Variants in GTF3C2 observed in about 807,000 individuals in gnomAD.
GTF3C2 encodes general transcription factor 3C polypeptide 2.
A neutral mutation model predicts 117.4 loss-of-function variants in GTF3C2; 17 were observed. That is an observed-to-expected ratio of 0.14 (90% CI 0.10 to 0.22). The LOEUF (loss-of-function observed/expected upper bound fraction) is 0.22, where lower values mean the gene tolerates loss of function less well. Ranked by LOEUF, GTF3C2 falls within the 10% of genes least tolerant of loss-of-function variation. The pLI, the probability that GTF3C2 is intolerant of heterozygous loss-of-function variation, is 1.00. For synonymous variants in GTF3C2, 437 were observed against 427.0 expected (o/e 1.02, Z -0.29); for missense variants, 888 against 1,143.6 (o/e 0.78, Z 3.22).
chr2:27,341,966 T>TG lies in GTF3C2; in HGVS notation c.836dup (p.Arg280ThrfsTer50). On this transcript the variant is annotated frameshift_variant, in exon 4 of 19. Transcript: ENST00000264720. LOFTEE classifies it high-confidence loss of function. ...AGGTTACCCCTGAAGTAGATCCTCG[T>TG]GGGGTGCTTCGGGGCACTACAGGCT... The TG allele has an allele frequency of 6.2e-7, 1 of 1,614,008 alleles. No individual in the cohort carries two copies. The highest frequency in any genetic ancestry group is 8.5e-7 in the Non-Finnish European group (1 of 1,179,910).
chr2:27,342,455 G>C (rs1485757499), intron 3 of GTF3C2: 2 of 563,218 alleles, frequency 3.6e-6, no homozygotes, highest in African/African-American at 1.9e-5. Flanking sequence ...TCTGAACCCA[G>C]GTCTTCTCAC....
At chr2:27,336,412 T>C (rs2148279415) in exon 8 of GTF3C2, 2 of 1,599,692 alleles carry the variant, frequency 1.3e-6, no homozygotes, top group Non-Finnish European at 1.7e-6. Flanking sequence ...GGATGTGCTG[T>C]GATCGAGCTA....
chr2:27,340,102 GCCA>G (rs1680668855), intron 4 of GTF3C2: 1 of 151,290 alleles, frequency 6.6e-6, no homozygotes, highest in African/African-American at 2.4e-5. Context: ...AGTGCATGAT[GCCA>G]CCATTTAAGC....
chr2:27,348,885 G>A (rs879791814), intron 1 of GTF3C2, among the ~76,000 whole-genome samples: 1 of 152,142 alleles, frequency 6.6e-6, no homozygotes, highest in Non-Finnish European at 1.5e-5. Context: ...CACCCAGGCT[G>A]GAGTGCAGTG....
intron 4 of GTF3C2, chr2:27,340,532 CCTCTTACATAT>C (rs1680689858): frequency 6.6e-6 from 1 of 152,148 alleles, no homozygotes; most frequent in South Asian, 2.1e-4. Flanking sequence ...CCGCACCTGG[CCTCTTACATAT>C]CTCTTGAATC....
At chr2:27,335,432 G>C in intron 10 of GTF3C2, 166 bp downstream of exon 10, 1 of 714,538 alleles carries the variant, frequency 1.4e-6, no homozygotes, top group South Asian at 1.5e-5. Context: ...GCAAAAGAGA[G>C]AGGGCTCAAG....
chr2:27,330,183 C>T (rs935518076), intron 12 of GTF3C2, among the ~76,000 whole-genome samples: 1 of 148,572 alleles, frequency 6.7e-6, no homozygotes, highest in African/African-American at 2.5e-5. Flanking sequence ...GGAAGCCAGG[C>T]GCAGTGGCTC....
intron 12 of GTF3C2, among the ~76,000 whole-genome samples, chr2:27,330,701 C>T (rs1304804734): frequency 1.3e-5 from 2 of 152,114 alleles, no homozygotes; most frequent in African/African-American, 2.4e-5. Context: ...TGGCTCATGC[C>T]TGTAATCTCA....
intron 11 of GTF3C2, 56 bp from the exon 12 acceptor site, chr2:27,333,840 G>A (rs1680361680): frequency 6.4e-6 from 10 of 1,560,752 alleles, no homozygotes; most frequent in Admixed American, 3.4e-5. Context: ...TGTTTGGAAC[G>A]AAAGCTCAAA....
chr2:27,331,922 G>C (rs545378278), intron 12 of GTF3C2, among the ~76,000 whole-genome samples: 25 of 152,264 alleles, frequency 1.6e-4, no homozygotes, highest in Non-Finnish European at 3.5e-4. Flanking sequence ...CTGGGTGACA[G>C]AGTGAGACCC....
At position 27,354,517 on chromosome 2, in the gene GTF3C2, T is replaced by C. The variant is rs375622040; in HGVS notation, c.-25+2222A>G. On this transcript the variant is annotated intron_variant, in intron 1 of 18. Coordinates refer to ENST00000264720, the Ensembl canonical transcript of GTF3C2. ...GACTCACGCCTGTAATCCCAGCACT[T>C]TGGGAGGCCAAGGCAGATGGATCAC... 2.6e-5 allele frequency among the ~76,000 whole-genome samples: 4 copies of C among 152,164 alleles called. No homozygotes were observed. In the East Asian group the frequency reaches 5.8e-4, roughly 22 times the overall value.
intron 2 of GTF3C2, 54 bp from the exon 3 acceptor site, chr2:27,343,201 G>A: frequency 6.6e-7 from 1 of 1,503,928 alleles, no homozygotes; most frequent in Non-Finnish European, 9.0e-7. Flanking sequence ...AACCTCTATG[G>A]AAAAGATTAC....
intron 1 of GTF3C2, among the ~76,000 whole-genome samples, chr2:27,345,485 C>A (rs547357514): frequency 7.8e-4 from 118 of 151,674 alleles, no homozygotes; most frequent in Non-Finnish European, 1.1e-3. Flanking sequence ...CCCAGCTACT[C>A]AGGAGGCGGA....
At chr2:27,333,559 T>C (rs1680352685) in intron 12 of GTF3C2, 96 bp downstream of exon 12, 1 of 746,216 alleles carries the variant, frequency 1.3e-6, no homozygotes, top group Non-Finnish European at 2.3e-6. Flanking sequence ...TAACTATATG[T>C]CCAGTATTGA....
intron 1 of GTF3C2, among the ~76,000 whole-genome samples, chr2:27,350,085 CAAAGT>C (rs1470313421): frequency 6.6e-6 from 1 of 151,994 alleles, no homozygotes; most frequent in Non-Finnish European, 1.5e-5. Context: ...TAATCAATGA[CAAAGT>C]AGATAAGAAC....
intron 7 of GTF3C2, chr2:27,336,704 G>T (rs767512564): frequency 1.3e-5 from 5 of 372,420 alleles, no homozygotes; most frequent in Non-Finnish European, 2.4e-5. Context: ...GACCTCCCAG[G>T]CTCAAGTGGT....
intron 12 of GTF3C2, among the ~76,000 whole-genome samples, chr2:27,331,350 C>G (rs973717122): frequency 1.3e-5 from 2 of 152,098 alleles, no homozygotes; most frequent in East Asian, 3.9e-4. Context: ...GTTTTTGAAA[C>G]GGAGTCTCAC....
At chr2:27,336,376 TGAA>T in exon 8 of GTF3C2, 1 of 1,613,116 alleles carries the variant, frequency 6.2e-7, no homozygotes, top group Non-Finnish European at 8.5e-7. Context: ...GGTCCCCCCG[TGAA>T]GAAGGACACA....
chr2:27,334,346 C>A (rs1680382151), intron 10 of GTF3C2, among the ~76,000 whole-genome samples: 1 of 152,124 alleles, frequency 6.6e-6, no homozygotes, highest in South Asian at 2.1e-4. Flanking sequence ...CTACCTCTAT[C>A]TGTTCCCATC....
Sources: allele counts gnomAD v4.1 joint callset (sites outside exome capture counted in the v4.1 genomes callset), GRCh38; gene constraint gnomAD v4.1.1; transcripts MANE v1.5; gene names NCBI Gene and HGNC (gene_info 2026-07-23, HGNC 2026-07-21).